The following RIIAD1 variants were observed in gnomAD, a reference collection of about 807,000 sequenced individuals.
RIIAD1 encodes the protein regulatory subunit of type II PKA R-subunit domain containing 1, also known as RIIa domain-containing protein 1.
In RIIAD1, 15 loss-of-function variants were observed where a neutral mutation model predicts 13.3. That is an observed-to-expected ratio of 1.13 (90% confidence interval 0.76 to 1.74). The LOEUF (loss-of-function observed/expected upper bound fraction) is 1.74. Among genes scored for constraint, RIIAD1 ranks in the 40% most tolerant of loss-of-function variants. The probability of loss-of-function intolerance (pLI) is 0.00; values close to 1 mark genes in which losing one functional copy is unlikely to be tolerated. For synonymous variants in RIIAD1, 50 were observed against 43.3 expected (o/e 1.16, Z -0.61); for missense variants, 121 against 112.2 (o/e 1.08, Z -0.35).
At chr1:151,725,107 CTTT>C (rs71759600) in intron 2 of RIIAD1, among the ~76,000 whole-genome samples, 4 of 84,672 alleles carry the variant, frequency 4.7e-5, no homozygotes, top group Non-Finnish European at 8.3e-5. Flanking sequence ...CGCACCTCGC[CTTT>C]TTTTTTTTTT....
chr1:151,718,291 T>G (rs201713890), upstream of RIIAD1, among the ~76,000 whole-genome samples: 5 of 151,778 alleles, frequency 3.3e-5, no homozygotes, highest in African/African-American at 1.2e-4. Flanking sequence ...TGATGTAGAT[T>G]TTGTCATCTC....
Position 151,722,172 on chromosome 1 carries a change from T to C in RIIAD1, c.161+10T>C, listed in dbSNP as rs1673750063. ...TAAGTGGTTTCTTCAGGTAGGTGGT[T>C]TTCCAGGCTCTGGGATTTGTGGCAC... is the stretch of plus-strand genomic sequence containing the variant. On this transcript the variant is annotated intron_variant, in intron 2 of 4. Coordinates refer to ENST00000479191, the MANE Select transcript of RIIAD1 (RefSeq NM_001144956.3). The C allele has an allele frequency of 5.2e-6, 8 of 1,532,744 alleles. No homozygotes were observed. In the East Asian group the frequency reaches 2.0e-4, roughly 38 times the overall value. The allele number at this position is 1,532,744 out of a possible 1,614,324, so 94.9% of individuals were successfully genotyped here. A position where few individuals can be genotyped will look rare whatever the true frequency, so the allele number is the denominator to read the frequency against.
At chr1:151,714,417 C>A in intron 3 of RIIAD1, 1 of 672,378 alleles carries the variant, frequency 1.5e-6, no homozygotes, top group African/African-American at 1.8e-5. Flanking sequence ...TCCTTCTCTC[C>A]AGGTAACAAG....
chr1:151,719,049 G>A (rs1232508573), upstream of RIIAD1, among the ~76,000 whole-genome samples: 2 of 152,102 alleles, frequency 1.3e-5, no homozygotes, highest in Non-Finnish European at 2.9e-5. Flanking sequence ...GAATTAAAAT[G>A]AACTCCCCTC....
chr1:151,721,628 C>T lies in RIIAD1; in HGVS notation c.84+8C>T. Reference sequence around the variant, plus strand: ...CAGCTGCGAAAATTCAAGGTGGGTGCGCCCGCGCCCCCATCCAGCGTCCAC... The same window carrying T: ...CAGCTGCGAAAATTCAAGGTGGGTGTGCCCGCGCCCCCATCCAGCGTCCAC... On this transcript the variant is annotated splice_region_variant and intron_variant, in intron 1 of 4. Coordinates refer to ENST00000479191, the MANE Select transcript of RIIAD1 (RefSeq NM_001144956.3). 7.8e-7 allele frequency: 1 copy of T among 1,275,284 alleles called. No individual in the cohort carries two copies. Among genetic ancestry groups the T allele is most frequent in the Non-Finnish European group, 9.9e-7 (1 of 1,006,212 alleles). 79.0% of individuals were successfully genotyped at this position (1,275,284 alleles called of 1,614,324 possible). A position where few individuals can be genotyped will look rare whatever the true frequency, so the allele number is the denominator to read the frequency against.
At chr1:151,711,983 A>T (rs1437510226) in exon 2 of RIIAD1, 1 of 152,274 alleles carries the variant, frequency 6.6e-6, no homozygotes, top group African/African-American at 2.4e-5. Context: ...GACCACAGCA[A>T]GGACCGTGCT....
chr1:151,723,415 G>T (rs907217875), intron 2 of RIIAD1, among the ~76,000 whole-genome samples: 10 of 150,872 alleles, frequency 6.6e-5, no homozygotes, highest in African/African-American at 2.2e-4. Flanking sequence ...AAAAAAGTTG[G>T]CCAGGCAGAT....
intron 1 of RIIAD1, 66 bp downstream of exon 1, chr1:151,721,686 G>GT: frequency 2.0e-6 from 2 of 990,740 alleles, no homozygotes; most frequent in Non-Finnish European, 2.7e-6. Flanking sequence ...TGGGGCCCCA[G>GT]ACTGGGAAGA....
At chr1:151,713,250 G>A (rs1240593649) in intron 2 of RIIAD1, among the ~76,000 whole-genome samples, 1 of 152,180 alleles carries the variant, frequency 6.6e-6, no homozygotes, top group African/African-American at 2.4e-5. Context: ...ACCCTGGGCT[G>A]GACTTCCTCA....
chr1:151,717,398 A>G (rs1673562782), upstream of RIIAD1, among the ~76,000 whole-genome samples: 1 of 152,236 alleles, frequency 6.6e-6, no homozygotes, highest in South Asian at 2.1e-4. Flanking sequence ...CAGAAAAGGA[A>G]CCAAGAAAAA....
chr1:151,715,795 G>A lies in RIIAD1; in HGVS notation c.21+1266G>A, dbSNP rs114505252. The A allele has an allele frequency of 4.3e-4, 679 of 1,593,882 alleles. 1 individual carries two copies. The African/African-American group carries it at 7.2e-3, about 17-fold the overall frequency. Reference sequence around the variant, plus strand: ...CCTTCCACATCAGCCCTTCCCAGCCGCTCCACCCCTCCAGCCTGGCTTAAC... The same window carrying A: ...CCTTCCACATCAGCCCTTCCCAGCCACTCCACCCCTCCAGCCTGGCTTAAC... On this transcript the variant is annotated intron_variant, in intron 4 of 8. Coordinates refer to the RIIAD1 transcript ENST00000326413.
Position 151,728,866 on chromosome 1 carries a change from G to C in RIIAD1, c.*30G>C, listed in dbSNP as rs1647249233. 7.5e-7 allele frequency: 1 copy of C among 1,326,336 alleles called. No individual in the cohort carries two copies. Among genetic ancestry groups the C allele is most frequent in the Admixed American group, 2.0e-5 (1 of 50,700 alleles). The allele number at this position is 1,326,336 out of a possible 1,614,324, so 82.2% of individuals were successfully genotyped here. A position where few individuals can be genotyped will look rare whatever the true frequency, so the allele number is the denominator to read the frequency against. On this transcript the variant is annotated 3_prime_UTR_variant, in exon 4 of 5. Coordinates refer to ENST00000479191, the MANE Select transcript of RIIAD1 (RefSeq NM_001144956.3). ...CAAAATCATGATGCTCAGCTGTTGG[G>C]AGAGACCAGACGGAATCCAGCCTCG...
At chr1:151,715,698 G>C (rs1365655608) in intron 4 of RIIAD1, 1 of 1,543,042 alleles carries the variant, frequency 6.5e-7, no homozygotes, top group Non-Finnish European at 8.7e-7. Context: ...TCCTTCACCG[G>C]GGTTTCCTGA....
At chr1:151,720,537 T>C (rs1158796587), upstream of RIIAD1, among the ~76,000 whole-genome samples, 1 of 152,232 alleles carries the variant, frequency 6.6e-6, no homozygotes, top group Admixed American at 6.5e-5. Flanking sequence ...GCCAACACTT[T>C]CACTTCTTTT....
intron 1 of RIIAD1, 189 bp from the exon 2 acceptor site, chr1:151,721,897 G>C (rs1320659780): frequency 1.0e-5 from 6 of 602,720 alleles, no homozygotes; most frequent in Non-Finnish European, 5.9e-6. Flanking sequence ...CTTAGTAAAG[G>C]CCCCTCATCC....
intron 2 of RIIAD1, among the ~76,000 whole-genome samples, chr1:151,725,967 A>G (rs567372021): frequency 6.6e-6 from 1 of 152,316 alleles, no homozygotes; most frequent in South Asian, 2.1e-4. Context: ...TCAGGCACAG[A>G]TGCCTCTTGA....
rs1673854602 is a variant in RIIAD1 at position 151,727,582 on chromosome 1, T to G, written c.169T>G (p.Phe57Val). 3 of 1,549,042 alleles carry G rather than the reference T, an allele frequency of 1.9e-6. No homozygotes were observed. Among genetic ancestry groups the G allele is most frequent in the Non-Finnish European group, 1.7e-6 (2 of 1,144,646 alleles). ...WLISGFFREI[F>V]LKRPDNILEF... is the part of the protein sequence containing the mutation. ...TCCCTTAATGTTTTCCAGAGAAATA[T>G]TTTTGAAAAGACCAGACAACATCCT... The change falls in exon 3 of 5, where the codon TTT becomes GTT. Residue 57 changes from phenylalanine (F) to valine (V), a missense_variant. Transcript: ENST00000479191.
At chr1:151,722,431 G>A (rs1673754442) in intron 2 of RIIAD1, among the ~76,000 whole-genome samples, 1 of 152,176 alleles carries the variant, frequency 6.6e-6, no homozygotes, top group Admixed American at 6.5e-5. Flanking sequence ...CAGTTGTCTG[G>A]TTGGCCCTTC....
At chr1:151,716,772 GCT>G, upstream of RIIAD1, 1 of 464,110 alleles carries the variant, frequency 2.2e-6, no homozygotes, top group Non-Finnish European at 4.4e-6. Flanking sequence ...CCGGAGCTCT[GCT>G]CTCCGGCCGC....
Sources: allele counts gnomAD v4.1 joint callset (sites outside exome capture counted in the v4.1 genomes callset), GRCh38; gene constraint gnomAD v4.1.1; transcripts MANE v1.5; gene names NCBI Gene and HGNC (gene_info 2026-07-23, HGNC 2026-07-21).